The following DMD variants were observed in gnomAD, a reference collection of about 807,000 sequenced individuals.
DMD encodes mutant dystrophin.
A neutral mutation model predicts 330.1 loss-of-function variants in DMD; 63 were observed. The observed-to-expected ratio is 0.19, with a 90% CI of 0.16 to 0.24. The LOEUF is 0.24. Among genes scored for constraint, DMD ranks in the 10% least tolerant of loss-of-function variants. The probability of loss-of-function intolerance (pLI) is 1.00; values close to 1 mark genes in which losing one functional copy is unlikely to be tolerated. For synonymous variants in DMD, 1,223 were observed against 959.8 expected, an observed-to-expected ratio of 1.27 and a Z score of -5.07; for missense variants, 3,344 against 2,684.1, an observed-to-expected ratio of 1.25 and a Z score of -5.43.
At chrX:31,988,473 CAAAAAAAA>C (rs11352664) in intron 44 of DMD, among the ~76,000 whole-genome samples, 16 of 24,147 alleles carry the variant, frequency 6.6e-4, no homozygotes, top group Non-Finnish European at 9.2e-4. Flanking sequence ...GACTCCATCT[CAAAAAAAA>C]AAAAAAAAAA....
intron 7 of DMD, among the ~76,000 whole-genome samples, chrX:32,717,968 C>T (rs2065902238): frequency 9.0e-6 from 1 of 111,664 alleles, no homozygotes. Flanking sequence ...TGCCTGTACC[C>T]TCATTGTATC....
chrX:32,424,296 A>C (rs921071185), intron 29 of DMD, among the ~76,000 whole-genome samples: 1 of 111,018 alleles, frequency 9.0e-6, no homozygotes, highest in African/African-American at 3.3e-5. Context: ...CTACTTAAGG[A>C]AAGAAAGCCC....
intron 27 of DMD, 102 bp downstream of exon 27, chrX:32,448,354 G>T: frequency 1.0e-6 from 1 of 964,813 alleles, no homozygotes; most frequent in Non-Finnish European, 1.5e-6. Context: ...AGGAATTCAA[G>T]CCAAAGTTGT....
intron 2 of DMD, among the ~76,000 whole-genome samples, chrX:32,950,147 T>G (rs2146928552): frequency 9.1e-6 from 1 of 110,344 alleles, no homozygotes; most frequent in East Asian, 2.9e-4. Flanking sequence ...CCTATGGGAT[T>G]AAGTAGGGTC....
intron 39 of DMD, 41 bp downstream of exon 39, chrX:32,345,902 A>C (rs750715935): frequency 1.7e-6 from 2 of 1,199,709 alleles, no homozygotes; most frequent in South Asian, 1.8e-5. Flanking sequence ...ATATTAAAAA[A>C]AAACCACAGG....
At chrX:32,523,478 A>G (rs1201073582) in intron 17 of DMD, among the ~76,000 whole-genome samples, 1 of 112,485 alleles carries the variant, frequency 8.9e-6, no homozygotes, top group East Asian at 2.8e-4. Context: ...ATAGTAGATC[A>G]TAAGACCCTC....
chrX:31,459,366 TA>T (rs890062175), intron 59 of DMD, among the ~76,000 whole-genome samples: 4 of 112,051 alleles, frequency 3.6e-5, no homozygotes, highest in African/African-American at 1.3e-4. Flanking sequence ...TCATTGGTTC[TA>T]AAAAAAACAC....
chrX:32,194,644 A>G (rs2096990655), intron 44 of DMD, among the ~76,000 whole-genome samples: 1 of 111,305 alleles, frequency 9.0e-6, no homozygotes, highest in Admixed American at 9.6e-5. Flanking sequence ...AAATGGAAAG[A>G]AGCACCTAGC....
At chrX:32,564,644 A>T (rs1337290341) in intron 16 of DMD, among the ~76,000 whole-genome samples, 1 of 112,090 alleles carries the variant, frequency 8.9e-6, no homozygotes, top group Non-Finnish European at 1.9e-5. Context: ...TATTTCTTCA[A>T]ATTATAATTT....
intron 43 of DMD, among the ~76,000 whole-genome samples, chrX:32,221,546 T>A (rs1199332652): frequency 8.9e-6 from 1 of 112,048 alleles, no homozygotes; most frequent in Non-Finnish European, 1.9e-5. Flanking sequence ...TTTTATTTTA[T>A]TAATGTTTTT....
At chrX:31,805,916 T>C (rs975602331) in intron 50 of DMD, among the ~76,000 whole-genome samples, 2 of 112,507 alleles carry the variant, frequency 1.8e-5, no homozygotes, top group Admixed American at 9.4e-5. Context: ...GTCAGTGAAC[T>C]ACGGCTTGTG....
chrX:32,687,264 C>T (rs959709447), intron 9 of DMD, among the ~76,000 whole-genome samples: 15 of 111,972 alleles, frequency 1.3e-4, no homozygotes, highest in Admixed American at 1.0e-3. Flanking sequence ...AGGCACCATG[C>T]TAGCCACATT....
chrX:32,350,190 T>C (rs1004041372), intron 37 of DMD, among the ~76,000 whole-genome samples: 7 of 111,348 alleles, frequency 6.3e-5, no homozygotes, highest in Non-Finnish European at 1.1e-4. Context: ...TTATTCCAAC[T>C]GCTTCTTCTC....
At chrX:32,736,017 T>G (rs1169557881) in intron 7 of DMD, among the ~76,000 whole-genome samples, 11 of 111,523 alleles carry the variant, frequency 9.9e-5, no homozygotes, top group East Asian at 5.6e-4. Flanking sequence ...AACCTACTCA[T>G]CTGACAAAGG....
At chrX:32,490,620 A>G (rs1311669099) in intron 20 of DMD, among the ~76,000 whole-genome samples, 1 of 111,120 alleles carries the variant, frequency 9.0e-6, no homozygotes, top group African/African-American at 3.3e-5. Flanking sequence ...AGGATTCCTT[A>G]AGCCGGCCAT....
intron 60 of DMD, among the ~76,000 whole-genome samples, chrX:31,350,357 A>C (rs1310079389): frequency 8.9e-6 from 1 of 112,135 alleles, no homozygotes; most frequent in Non-Finnish European, 1.9e-5. Context: ...GCATTCTAAC[A>C]GTATATGGTT....
At chrX:32,545,845 T>A (rs959413161) in intron 16 of DMD, among the ~76,000 whole-genome samples, 1 of 111,240 alleles carries the variant, frequency 9.0e-6, no homozygotes, top group Non-Finnish European at 1.9e-5. Flanking sequence ...AACGACTCTT[T>A]AATCAAATAA....
chrX:32,350,288 C>T (rs982043618), intron 37 of DMD, among the ~76,000 whole-genome samples: 5 of 110,988 alleles, frequency 4.5e-5, no homozygotes, highest in African/African-American at 9.8e-5. Flanking sequence ...TCCAAGTCTT[C>T]ACCCTAAGCT....
intron 4 of DMD, among the ~76,000 whole-genome samples, chrX:32,828,700 A>G (rs1304857602): frequency 9.2e-6 from 1 of 108,942 alleles, no homozygotes; most frequent in Non-Finnish European, 1.9e-5. Flanking sequence ...TAATTTTAGT[A>G]GGTGTTTCCA....
Sources: allele counts gnomAD v4.1 joint callset (sites outside exome capture counted in the v4.1 genomes callset), GRCh38; gene constraint gnomAD v4.1.1; transcripts MANE v1.5; gene names NCBI Gene and HGNC (gene_info 2026-07-23, HGNC 2026-07-21).